The following ATP2C2 variants were observed in gnomAD, a reference collection of about 807,000 sequenced individuals.
ATP2C2 encodes ATPase secretory pathway Ca2+ transporting 2.
Under a neutral mutation model 110.8 loss-of-function variants are expected in ATP2C2, and 171 were observed. That is an observed-to-expected ratio of 1.54 (90% CI 1.36 to 1.75). The LOEUF is 1.75. ATP2C2 is among the 40% of genes most tolerant of loss of function. The pLI is 0.00. For missense variants in ATP2C2, 1,963 were observed against 1,235.0 expected (o/e 1.59, Z -8.84); for synonymous variants, 804 against 508.4 (o/e 1.58, Z -7.82).
chr16:84,425,896 AG>A, intron 11 of ATP2C2, 95 bp downstream of exon 11: 1 of 1,469,158 alleles, frequency 6.8e-7, no homozygotes, highest in Non-Finnish European at 9.5e-7. Flanking sequence ...GCTGCAGAAT[AG>A]GAAGGGTTGG....
At chr16:84,448,474 G>A in intron 16 of ATP2C2, 59 bp from the exon 17 acceptor site, 2 of 1,546,242 alleles carry the variant, frequency 1.3e-6, no homozygotes, top group Non-Finnish European at 1.8e-6. Flanking sequence ...GTGGGGTGAT[G>A]GTCAGTATGA....
chr16:84,447,301 A>AT (rs1909840793), intron 16 of ATP2C2, among the ~76,000 whole-genome samples: 1 of 152,146 alleles, frequency 6.6e-6, no homozygotes, highest in Non-Finnish European at 1.5e-5. Flanking sequence ...GGGATTATAG[A>AT]TTTTCAAAAA....
chr16:84,402,049 TTTAAG>T (rs988257413), intron 2 of ATP2C2, among the ~76,000 whole-genome samples: 5 of 152,182 alleles, frequency 3.3e-5, no homozygotes, highest in African/African-American at 1.2e-4. Flanking sequence ...CTTTTACTTC[TTTAAG>T]TTAATTCCTA....
At chr16:84,421,568 C>G (rs375252194) in intron 7 of ATP2C2, among the ~76,000 whole-genome samples, 1 of 152,090 alleles carries the variant, frequency 6.6e-6, no homozygotes, top group African/African-American at 2.4e-5. Flanking sequence ...CACCCAGCCC[C>G]GCTTTATGAA....
intron 21 of ATP2C2, among the ~76,000 whole-genome samples, chr16:84,456,100 G>A (rs1476629844): frequency 9.4e-6 from 1 of 105,894 alleles, no homozygotes; most frequent in South Asian, 3.9e-4. Flanking sequence ...TTTTTTGGTT[G>A]TGTCTCTGCC....
At chr16:84,450,566 CAGGGA>C (rs1449585798) in intron 17 of ATP2C2, among the ~76,000 whole-genome samples, 1 of 152,114 alleles carries the variant, frequency 6.6e-6, no homozygotes, top group East Asian at 1.9e-4. Flanking sequence ...AGCCCAGGTT[CAGGGA>C]GGGGAGGGGA....
At chr16:84,409,004 C>T (rs1906034307) in intron 4 of ATP2C2, among the ~76,000 whole-genome samples, 2 of 152,158 alleles carry the variant, frequency 1.3e-5, no homozygotes, top group South Asian at 4.1e-4. Flanking sequence ...GAAGGAAACC[C>T]TGTGCTCACC....
chr16:84,451,723 A>G (rs565947650), intron 17 of ATP2C2, among the ~76,000 whole-genome samples, 198 bp from the exon 18 acceptor site: 2 of 152,342 alleles, frequency 1.3e-5, no homozygotes, highest in African/African-American at 4.8e-5. Flanking sequence ...CCGTAATCCC[A>G]GCTACTCAAG....
intron 1 of ATP2C2, among the ~76,000 whole-genome samples, chr16:84,390,448 C>T (rs557955540): frequency 6.6e-6 from 1 of 152,320 alleles, no homozygotes; most frequent in Non-Finnish European, 1.5e-5. Context: ...TCTTCTAGGC[C>T]GTTTCCTTGG....
intron 13 of ATP2C2, among the ~76,000 whole-genome samples, chr16:84,440,622 C>T (rs1668906322): frequency 6.6e-6 from 1 of 152,218 alleles, no homozygotes; most frequent in Admixed American, 6.5e-5. Flanking sequence ...CTTGTACTGG[C>T]TGCAGAGTAT....
intron 1 of ATP2C2, among the ~76,000 whole-genome samples, chr16:84,393,590 C>G (rs1041459277): frequency 6.6e-5 from 10 of 152,010 alleles, no homozygotes; most frequent in African/African-American, 2.2e-4. Flanking sequence ...TCGATGTTGG[C>G]AAATGAGGAA....
At chr16:84,423,411 G>C in intron 10 of ATP2C2, 148 bp downstream of exon 10, 1 of 720,034 alleles carries the variant, frequency 1.4e-6, no homozygotes, top group Non-Finnish European at 2.3e-6. Flanking sequence ...CAAGCAACAA[G>C]AGCTTTCTGT....
At chr16:84,462,829 C>A (rs1027823018) in intron 26 of ATP2C2, 1 of 152,984 alleles carries the variant, frequency 6.5e-6, no homozygotes, top group African/African-American at 2.4e-5. Context: ...ACCGCCTCCC[C>A]GCCGGCAGGG....
intron 6 of ATP2C2, among the ~76,000 whole-genome samples, chr16:84,411,535 G>C (rs1906289560): frequency 6.6e-6 from 1 of 152,122 alleles, no homozygotes; most frequent in South Asian, 2.1e-4. Flanking sequence ...TCCGCCTCCT[G>C]GGTTCAAGCA....
intron 11 of ATP2C2, among the ~76,000 whole-genome samples, chr16:84,435,574 C>G (rs569091844): frequency 6.6e-6 from 1 of 152,322 alleles, no homozygotes; most frequent in African/African-American, 2.4e-5. Flanking sequence ...GCCTGTAATC[C>G]CAGCACTTGG....
intron 1 of ATP2C2, among the ~76,000 whole-genome samples, chr16:84,395,907 A>C (rs1904944178): frequency 2.0e-5 from 3 of 152,084 alleles, no homozygotes; most frequent in Admixed American, 2.0e-4. Flanking sequence ...TCCCATTGTT[A>C]TGCAACCATC....
rs113680463 is a variant in ATP2C2, at chr16:84,434,888, C to T, written c.987-4278C>T. 5.3e-3 allele frequency among the ~76,000 whole-genome samples: 800 copies of T among 152,294 alleles called. 8 individuals carry two copies. Among genetic ancestry groups the T allele is most frequent in the African/African-American group, 0.018 (760 of 41,564 alleles). On this transcript the variant is annotated intron_variant, in intron 11 of 26. Coordinates refer to ENST00000262429, the MANE Select transcript of ATP2C2 (RefSeq NM_014861.4). Reference sequence around the variant, plus strand: ...AATTCATCCAAGTAATACAAAGATGCCCTTCCCCTGCCATATGGGATGAAA... The same window carrying T: ...AATTCATCCAAGTAATACAAAGATGTCCTTCCCCTGCCATATGGGATGAAA...
chr16:84,392,832 C>G (rs1904740126), intron 1 of ATP2C2, among the ~76,000 whole-genome samples: 1 of 152,112 alleles, frequency 6.6e-6, no homozygotes, highest in Middle Eastern at 3.2e-3. Context: ...TTCCCACAGT[C>G]TAGTGATCAT....
chr16:84,425,689 G>C (rs374869887), intron 10 of ATP2C2, 46 bp from the exon 11 acceptor site: 51 of 1,586,652 alleles, frequency 3.2e-5, no homozygotes, highest in Non-Finnish European at 4.2e-5. Context: ...AGGCATCAGC[G>C]TGTGTAGTGC....
Sources: gnomAD v4.1 joint callset for allele counts (sites outside exome capture counted in the v4.1 genomes callset) on GRCh38, gnomAD v4.1.1 for gene constraint, MANE v1.5 for transcripts, NCBI Gene and HGNC (gene_info 2026-07-23, HGNC 2026-07-21) for gene names.